Variants in KIAA1217 observed in about 807,000 individuals in gnomAD.
The protein encoded by KIAA1217 is KIAA1217.
A neutral mutation model predicts 163.9 loss-of-function variants in KIAA1217; 88 were observed. That is an observed-to-expected ratio of 0.54 (90% confidence interval 0.45 to 0.64). The LOEUF is 0.64. KIAA1217 is among the 30% of genes least tolerant of loss of function. KIAA1217 has a pLI of 0.00. For missense variants in KIAA1217, 2,372 were observed against 2,475.0 expected, an observed-to-expected ratio of 0.96 and a Z score of 0.88; for synonymous variants, 903 against 923.1, an observed-to-expected ratio of 0.98 and a Z score of 0.39.
At chr10:24,439,211 A>G (rs899922820) in intron 5 of KIAA1217, among the ~76,000 whole-genome samples, 3 of 152,190 alleles carry the variant, frequency 2.0e-5, no homozygotes, top group Non-Finnish European at 2.9e-5. Flanking sequence ...AAATAAGGCT[A>G]CATTCCTCTG....
Position 23,880,679 on chromosome 10 carries a change from C to T in KIAA1217, c.-320-126546C>T, listed in dbSNP as rs183795219. Among the ~76,000 whole-genome samples, 294 of 151,972 alleles carry T rather than the reference C, an allele frequency of 1.9e-3. 1 individual carries two copies. Among genetic ancestry groups the T allele is most frequent in the African/African-American group, 6.8e-3 (283 of 41,498 alleles). Reference sequence around the variant, plus strand: ...TGTCCACCCTCATGTGATTATTATGCGTGGCATGCTTGTATGAAAATATCT... The same window carrying T: ...TGTCCACCCTCATGTGATTATTATGTGTGGCATGCTTGTATGAAAATATCT... On this transcript the variant is annotated intron_variant, in intron 1 of 18. Coordinates refer to the KIAA1217 transcript ENST00000376462.
intron 2 of KIAA1217, among the ~76,000 whole-genome samples, chr10:24,125,603 A>C (rs2063445877): frequency 6.6e-6 from 1 of 152,052 alleles, no homozygotes; most frequent in Non-Finnish European, 1.5e-5. Flanking sequence ...AAAGTAGTCC[A>C]AGATTTTCAC....
chr10:23,746,344 T>C (rs1054707971), intron 1 of KIAA1217, among the ~76,000 whole-genome samples: 2 of 152,230 alleles, frequency 1.3e-5, no homozygotes, highest in African/African-American at 2.4e-5. Flanking sequence ...GCCTTGCTTC[T>C]TGAACAGCCT....
intron 1 of KIAA1217, among the ~76,000 whole-genome samples, chr10:23,866,825 A>T (rs915128063): frequency 6.6e-6 from 1 of 151,774 alleles, no homozygotes; most frequent in Non-Finnish European, 1.5e-5. Context: ...TCTCAGGACA[A>T]TTTTCTTTTT....
At chr10:23,982,114 A>C (rs1845790633) in intron 1 of KIAA1217, among the ~76,000 whole-genome samples, 1 of 151,918 alleles carries the variant, frequency 6.6e-6, no homozygotes, top group African/African-American at 2.4e-5. Context: ...GTGACTCTGT[A>C]ATAATAATAG....
intron 2 of KIAA1217, among the ~76,000 whole-genome samples, chr10:24,326,152 G>T (rs1371358571): frequency 6.6e-6 from 1 of 152,058 alleles, no homozygotes; most frequent in African/African-American, 2.4e-5. Context: ...TTTTTACTTC[G>T]TTGTGTTTTT....
intron 2 of KIAA1217, among the ~76,000 whole-genome samples, chr10:24,192,747 C>T (rs1429758303): frequency 6.6e-6 from 1 of 152,192 alleles, no homozygotes; most frequent in East Asian, 1.9e-4. Context: ...GTGCTTACAG[C>T]AAGACCTTGG....
chr10:24,294,117 G>A (rs1227616980), intron 2 of KIAA1217, among the ~76,000 whole-genome samples: 3 of 150,748 alleles, frequency 2.0e-5, no homozygotes, highest in Non-Finnish European at 2.9e-5. Flanking sequence ...GAACCTGGGA[G>A]GCGGAGCTTG....
intron 3 of KIAA1217, among the ~76,000 whole-genome samples, chr10:24,389,980 C>G (rs1367705716): frequency 6.6e-6 from 1 of 152,176 alleles, no homozygotes; most frequent in Non-Finnish European, 1.5e-5. Context: ...ATCAAGGCAG[C>G]ATGGCTTTGG....
chr10:24,097,528 A>G lies in KIAA1217; in HGVS notation c.-171+90154A>G, dbSNP rs540999393. On this transcript the variant is annotated intron_variant, in intron 2 of 18. Coordinates refer to the KIAA1217 transcript ENST00000376462. Reference sequence around the variant, plus strand: ...ACTGCACTCCAGCCTGGGCAACAGGATGAGACCCCATCTCTAGAAAGAAAA... The same window carrying G: ...ACTGCACTCCAGCCTGGGCAACAGGGTGAGACCCCATCTCTAGAAAGAAAA... 5.3e-5 allele frequency among the ~76,000 whole-genome samples: 8 copies of G among 152,106 alleles called. No individual in the cohort carries two copies. In the East Asian group the frequency reaches 1.2e-3, roughly 22 times the overall value.
At chr10:24,475,983 C>G (rs1026208257) in intron 6 of KIAA1217, among the ~76,000 whole-genome samples, 1 of 152,122 alleles carries the variant, frequency 6.6e-6, no homozygotes, top group African/African-American at 2.4e-5. Context: ...TGTTGAGAGC[C>G]AGAATCCTAC....
At chr10:23,867,293 T>C (rs1260557665) in intron 1 of KIAA1217, among the ~76,000 whole-genome samples, 1 of 152,002 alleles carries the variant, frequency 6.6e-6, no homozygotes, top group Non-Finnish European at 1.5e-5. Flanking sequence ...CTATTGTGAA[T>C]AGTGCCGCAA....
At position 24,456,166 on chromosome 10, in the gene KIAA1217, G is replaced by A. The variant is rs570184258; in HGVS notation, c.847-17062G>A. On this transcript the variant is annotated intron_variant, in intron 5 of 20. Transcript: ENST00000376454. ...CTCCCAAAGTGCTGGGACTACAGGC[G>A]TGAGCCACCATGTCCAGCCTGGACC... 9.8e-5 allele frequency among the ~76,000 whole-genome samples: 15 copies of A among 152,300 alleles called. No homozygotes were observed. The South Asian group carries it at 2.1e-3, about 21-fold the overall frequency.
chr10:24,064,458 T>A (rs1198092308), intron 2 of KIAA1217, among the ~76,000 whole-genome samples: 3 of 152,216 alleles, frequency 2.0e-5, no homozygotes, highest in African/African-American at 7.2e-5. Flanking sequence ...GATTTGCATA[T>A]GTTGAACCAG....
At chr10:24,063,639 A>G (rs1199986546) in intron 2 of KIAA1217, among the ~76,000 whole-genome samples, 5 of 152,170 alleles carry the variant, frequency 3.3e-5, no homozygotes, top group African/African-American at 1.2e-4. Context: ...TTTTGGTTCC[A>G]TATGAACTTT....
chr10:23,773,811 T>C (rs1246593526), intron 1 of KIAA1217, among the ~76,000 whole-genome samples: 1 of 152,202 alleles, frequency 6.6e-6, no homozygotes, highest in Admixed American at 6.5e-5. Flanking sequence ...ATTGATTTTG[T>C]ATCCTGAGAC....
At chr10:23,858,121 C>T (rs1839786139) in intron 1 of KIAA1217, among the ~76,000 whole-genome samples, 1 of 151,964 alleles carries the variant, frequency 6.6e-6, no homozygotes, top group African/African-American at 2.4e-5. Context: ...CAACTGTGAC[C>T]ACTCAAGAAA....
chr10:23,882,511 A>T (rs61003584), intron 1 of KIAA1217, among the ~76,000 whole-genome samples: 2,916 of 151,982 alleles, frequency 0.019, 93 homozygotes, highest in African/African-American at 0.064. Flanking sequence ...TTGAATTATG[A>T]TTGTTTTATG....
chr10:23,730,536 G>C (rs1838418090), intron 1 of KIAA1217, among the ~76,000 whole-genome samples: 1 of 151,976 alleles, frequency 6.6e-6, no homozygotes, highest in Non-Finnish European at 1.5e-5. Flanking sequence ...AAAATAATTT[G>C]CTAGGATTTT....
Sources: allele counts gnomAD v4.1 joint callset (sites outside exome capture counted in the v4.1 genomes callset), GRCh38; gene constraint gnomAD v4.1.1; transcripts MANE v1.5; gene names NCBI Gene and HGNC (gene_info 2026-07-23, HGNC 2026-07-21).